The following MCTP1 variants were observed in gnomAD, a reference collection of about 807,000 sequenced individuals.
MCTP1 encodes the protein multiple C2 and transmembrane domain-containing protein 1.
MCTP1 carries 69 observed loss-of-function variants against 120.6 expected under a neutral mutation model. The observed-to-expected ratio is 0.57, with a 90% CI of 0.47 to 0.70. MCTP1 has a LOEUF of 0.70. Among genes scored for constraint, MCTP1 ranks in the 30% least tolerant of loss-of-function variants. The pLI is 0.00. For missense variants in MCTP1, 1,203 were observed against 1,248.8 expected (o/e 0.96, Z 0.55); for synonymous variants, 529 against 493.1 (o/e 1.07, Z -0.96).
chr5:95,095,766 G>T (rs1392367509), intron 1 of MCTP1, among the ~76,000 whole-genome samples: 1 of 152,194 alleles, frequency 6.6e-6, no homozygotes, highest in Non-Finnish European at 1.5e-5. Flanking sequence ...TTTGGGCAAA[G>T]TGAATGCCTG....
At chr5:95,081,176 C>A (rs550857211) in intron 1 of MCTP1, among the ~76,000 whole-genome samples, 32 of 152,188 alleles carry the variant, frequency 2.1e-4, no homozygotes, top group African/African-American at 7.2e-4. Context: ...TATAAAGCTA[C>A]CACAATGTTT....
chr5:95,283,761 C>T (rs537121813), intron 1 of MCTP1, 95 bp downstream of exon 1: 159 of 1,025,238 alleles, frequency 1.6e-4, no homozygotes, highest in Non-Finnish European at 2.0e-4. Flanking sequence ...CCTCCCGCCT[C>T]CCGGCCCCCG....
At chr5:95,097,518 G>C (rs2152356727) in intron 1 of MCTP1, among the ~76,000 whole-genome samples, 1 of 152,366 alleles carries the variant, frequency 6.6e-6, no homozygotes, top group Non-Finnish European at 1.5e-5. Context: ...GGCTGGAGAG[G>C]TGGGCAGGAG....
rs138151819 is a variant in MCTP1 at position 94,897,119 on chromosome 5, C to T, written c.1653-2284G>A. On this transcript the variant is annotated intron_variant, in intron 10 of 22. Transcript: ENST00000515393. ...TTGCCTAGGCTGGAGTGCAGTGGTGCGATCATGATCATGGCTCACTGCAGC... is the reference window on the plus strand; with the variant it reads ...TTGCCTAGGCTGGAGTGCAGTGGTGTGATCATGATCATGGCTCACTGCAGC... Among the ~76,000 whole-genome samples the T allele has an allele frequency of 1.1e-4, 16 of 152,030 alleles. No individual in the cohort carries two copies. The East Asian group carries it at 2.5e-3, about 24-fold the overall frequency.
chr5:94,838,143 C>T (rs765078830), intron 17 of MCTP1, among the ~76,000 whole-genome samples: 2 of 152,146 alleles, frequency 1.3e-5, no homozygotes, highest in African/African-American at 2.4e-5. Flanking sequence ...TACATTTAGG[C>T]CATATGGTTT....
intron 1 of MCTP1, among the ~76,000 whole-genome samples, chr5:95,244,223 T>C (rs994787351): frequency 6.6e-6 from 1 of 152,228 alleles, no homozygotes; most frequent in African/African-American, 2.4e-5. Flanking sequence ...GAAGTATAAA[T>C]GTACATCTGT....
At chr5:95,255,957 C>G (rs1757842779) in intron 1 of MCTP1, among the ~76,000 whole-genome samples, 1 of 152,098 alleles carries the variant, frequency 6.6e-6, no homozygotes, top group South Asian at 2.1e-4. Flanking sequence ...TCGTCTGTAG[C>G]TCGAGGCATT....
intron 2 of MCTP1, among the ~76,000 whole-genome samples, chr5:95,003,179 A>G (rs1164372577): frequency 1.3e-5 from 2 of 152,172 alleles, no homozygotes; most frequent in African/African-American, 4.8e-5. Flanking sequence ...TTCTTTATAA[A>G]TTACCCAGTC....
chr5:94,912,845 G>A lies in MCTP1; in HGVS notation c.1482C>T (p.Tyr494=), dbSNP rs373286514. The stretch of plus-strand genomic sequence containing the variant: ...TCTGATGCCCAAGCCGGAACTTCAC[G>A]TAGGGATCGCTCAACCCGTTGGAAT... The part of the protein sequence containing the change: ...AMDSNGLSDP[Y]VKFRLGHQKY... The change falls in exon 9 of 23, where the codon TAC becomes TAT. Residue 494 remains tyrosine, a synonymous_variant. Coordinates refer to ENST00000515393, the MANE Select transcript of MCTP1 (RefSeq NM_024717.7). 8.8e-5 allele frequency: 140 copies of A among 1,583,458 alleles called. No homozygotes were observed. Among genetic ancestry groups the A allele is most frequent in the Non-Finnish European group, 1.1e-4 (132 of 1,166,080 alleles).
intron 2 of MCTP1, among the ~76,000 whole-genome samples, chr5:94,995,924 T>C (rs779994175): frequency 2.6e-5 from 4 of 152,168 alleles, no homozygotes; most frequent in Non-Finnish European, 4.4e-5. Flanking sequence ...AGAAACCTTT[T>C]TGTCTCAAGA....
At chr5:95,170,086 G>C (rs867679825) in intron 1 of MCTP1, among the ~76,000 whole-genome samples, 1 of 152,164 alleles carries the variant, frequency 6.6e-6, no homozygotes, top group South Asian at 2.1e-4. Flanking sequence ...CTTTGAATGT[G>C]TCCCAGAGAT....
At chr5:94,945,124 T>C (rs1046842732) in intron 3 of MCTP1, among the ~76,000 whole-genome samples, 1 of 152,116 alleles carries the variant, frequency 6.6e-6, no homozygotes, top group Admixed American at 6.6e-5. Flanking sequence ...TTCACAAATA[T>C]GTCTTAGGCA....
At chr5:94,910,169 T>C (rs927302736) in intron 9 of MCTP1, among the ~76,000 whole-genome samples, 3 of 151,584 alleles carry the variant, frequency 2.0e-5, no homozygotes, top group Non-Finnish European at 4.4e-5. Flanking sequence ...TATATGCATG[T>C]ATACATATAT....
chr5:94,994,905 G>A (rs1053850226), intron 2 of MCTP1, among the ~76,000 whole-genome samples: 6 of 127,444 alleles, frequency 4.7e-5, no homozygotes, highest in Admixed American at 2.3e-4. Context: ...CAGACTCCAA[G>A]TTCTTCAGCT....
chr5:95,061,370 A>C (rs1427654335), intron 1 of MCTP1, among the ~76,000 whole-genome samples: 1 of 142,634 alleles, frequency 7.0e-6, no homozygotes, highest in East Asian at 2.1e-4. Flanking sequence ...TTTTGTTTTC[A>C]ATGTACTTTC....
intron 1 of MCTP1, among the ~76,000 whole-genome samples, chr5:95,236,039 T>A (rs1356136345): frequency 2.6e-5 from 4 of 152,168 alleles, no homozygotes; most frequent in Non-Finnish European, 5.9e-5. Context: ...AGCTCCCAAT[T>A]AATTCTAAAC....
rs563233148 is a variant in MCTP1, at chr5:94,950,344, G to A, written c.981+2875C>T. Among the ~76,000 whole-genome samples the A allele has an allele frequency of 5.5e-5, 5 of 90,692 alleles. No individual in the cohort carries two copies. In the South Asian group the frequency reaches 1.5e-3, roughly 27 times the overall value. 59.5% of individuals were successfully genotyped at this position (90,692 alleles called of 152,430 possible). A position where few individuals can be genotyped will look rare whatever the true frequency, so the allele number is the denominator to read the frequency against. On this transcript the variant is annotated intron_variant, in intron 3 of 22. Coordinates refer to ENST00000515393, the MANE Select transcript of MCTP1 (RefSeq NM_024717.7). The stretch of plus-strand genomic sequence containing the variant: ...TCTGTATGGTAGAAGTTAAATTGTG[G>A]CTAGGCTACATAATCTTATATATTG...
chr5:95,267,380 G>C (rs1758988787), intron 1 of MCTP1, among the ~76,000 whole-genome samples: 1 of 152,138 alleles, frequency 6.6e-6, no homozygotes, highest in Non-Finnish European at 1.5e-5. Flanking sequence ...CCTAGGCTCG[G>C]AAATGTGCTG....
At chr5:94,780,269 G>GT (rs5869651) in intron 18 of MCTP1, among the ~76,000 whole-genome samples, 2,381 of 150,386 alleles carry the variant, frequency 0.016, 53 homozygotes, top group African/African-American at 0.055. Flanking sequence ...TCCTGTTTTT[G>GT]TTTTTTTTTT....
Sources: allele counts gnomAD v4.1 joint callset (sites outside exome capture counted in the v4.1 genomes callset), GRCh38; gene constraint gnomAD v4.1.1; transcripts MANE v1.5; gene names NCBI Gene and HGNC (gene_info 2026-07-23, HGNC 2026-07-21).